Variants in SP140 observed in about 807,000 individuals in gnomAD.
SP140 encodes the protein SP140 nuclear body protein, also known as nuclear body protein SP140.
SP140 carries 81 observed loss-of-function variants against 125.0 expected under a neutral mutation model. The ratio of observed to expected loss-of-function variants is 0.65; its 90% CI spans 0.54 to 0.78. SP140 has a LOEUF of 0.78. Ranked by LOEUF, SP140 falls within the 30% of genes least tolerant of loss-of-function variation. SP140 has a pLI of 0.00. For synonymous variants in SP140, 312 were observed against 354.0 expected, an observed-to-expected ratio of 0.88 and a Z score of 1.33; for missense variants, 858 against 1,037.0, an observed-to-expected ratio of 0.83 and a Z score of 2.37.
At chr2:230,239,677 G>A (rs540455441) in intron 3 of SP140, among the ~76,000 whole-genome samples, 2 of 152,270 alleles carry the variant, frequency 1.3e-5, no homozygotes, top group East Asian at 1.9e-4. Flanking sequence ...TTGAACCCCC[G>A]ACCTCAGGTG....
intron 3 of SP140, among the ~76,000 whole-genome samples, chr2:230,214,722 T>C (rs1050715014): frequency 6.6e-6 from 1 of 152,216 alleles, no homozygotes; most frequent in Non-Finnish European, 1.5e-5. Context: ...TCCAAATTCA[T>C]AGAACACATA....
intron 12 of SP140, among the ~76,000 whole-genome samples, chr2:230,257,441 T>C (rs768681109): frequency 1.3e-5 from 2 of 152,074 alleles, no homozygotes; most frequent in Admixed American, 6.5e-5. Context: ...GATGCCGTCA[T>C]AGAGTAATAA....
chr2:230,276,202 A>G (rs554388407), intron 15 of SP140, among the ~76,000 whole-genome samples: 1 of 152,280 alleles, frequency 6.6e-6, no homozygotes, highest in South Asian at 2.1e-4. Context: ...GCCATCTAGA[A>G]CTGTCATAGC....
At chr2:230,239,210 T>C (rs2048379349) in intron 3 of SP140, 2 of 308,726 alleles carry the variant, frequency 6.5e-6, no homozygotes, top group South Asian at 6.5e-5. Flanking sequence ...AGTCAAATAC[T>C]GTGCATGCCT....
exon 3 of SP140, chr2:230,214,050 G>A (rs1233139624): frequency 2.0e-5 from 3 of 152,234 alleles, no homozygotes; most frequent in Admixed American, 2.0e-4. Flanking sequence ...ATGTGAGCTG[G>A]TGGTCCTTTG....
chr2:230,203,113 T>C, exon 1 of SP140: 1 of 296,700 alleles, frequency 3.4e-6, no homozygotes, highest in East Asian at 8.6e-5. Context: ...ACGGCCTGTG[T>C]GTGGTACAAG....
chr2:230,275,048 C>A (rs191768739), intron 15 of SP140, among the ~76,000 whole-genome samples: 2 of 152,096 alleles, frequency 1.3e-5, no homozygotes, highest in African/African-American at 4.8e-5. Context: ...TTGTTATTGG[C>A]CATTTTTGTT....
intron 15 of SP140, among the ~76,000 whole-genome samples, chr2:230,274,410 A>G (rs1009579292): frequency 2.0e-5 from 3 of 152,188 alleles, no homozygotes; most frequent in Non-Finnish European, 4.4e-5. Context: ...ATGTGTGACT[A>G]TGGAAGAATG....
intron 21 of SP140, among the ~76,000 whole-genome samples, chr2:230,296,371 C>G (rs2057732487): frequency 6.6e-6 from 1 of 152,224 alleles, no homozygotes; most frequent in African/African-American, 2.4e-5. Flanking sequence ...TCCTTTGAAT[C>G]ACACTTGTTT....
downstream of SP140, among the ~76,000 whole-genome samples, chr2:230,316,394 C>A (rs1290694321): frequency 6.6e-6 from 1 of 152,112 alleles, no homozygotes; most frequent in African/African-American, 2.4e-5. Context: ...AGGAGAATCA[C>A]CATGGTTGAC....
downstream of SP140, among the ~76,000 whole-genome samples, chr2:230,316,551 A>G (rs1360231725): frequency 6.6e-6 from 1 of 152,254 alleles, no homozygotes; most frequent in African/African-American, 2.4e-5. Context: ...TTGTCACATC[A>G]ATAAATACAG....
chr2:230,212,981 A>C, intron 1 of SP140: 1 of 1,614,030 alleles, frequency 6.2e-7, no homozygotes, highest in Non-Finnish European at 8.5e-7. Flanking sequence ...TTGGGGCTTC[A>C]AGTAGGATTG....
At chr2:230,309,425 A>G (rs2059129072) in intron 22 of SP140, among the ~76,000 whole-genome samples, 1 of 152,262 alleles carries the variant, frequency 6.6e-6, no homozygotes, top group East Asian at 1.9e-4. Context: ...CACAAAACGT[A>G]CAGTCTAGGA....
intron 12 of SP140, among the ~76,000 whole-genome samples, chr2:230,260,065 T>C (rs928571871): frequency 1.3e-5 from 2 of 152,172 alleles, no homozygotes; most frequent in South Asian, 4.1e-4. Context: ...ATCAGCAGTG[T>C]AGAAGTGTTC....
rs760871059 is a variant in SP140, at chr2:230,292,762, G to A, written c.1942G>A (p.Gly648Arg). ...CTGGAGGCTGAGTGTGCGCTGTGGC[G>A]GGTGGCCCCTACGATGGCTGATGGA... ...KNWRLSVRCGGWPLRWLMENG... is the reference protein window; with the variant it reads ...KNWRLSVRCGRWPLRWLMENG... Residue 648 changes from glycine (G) to arginine (R), a missense_variant, in exon 20 of 27, where the codon GGG (glycine) becomes AGG (arginine). Gly to Arg is a moderately radical substitution (Grantham distance 125). Around this residue, in one of 4 missense-constraint regions of SP140, gnomAD observed 791 missense variants for 869.5 expected, o/e 0.91. Coordinates refer to ENST00000392045, the MANE Select transcript of SP140 (RefSeq NM_007237.5). 2.2e-5 allele frequency: 35 copies of A among 1,614,044 alleles called. No individual in the cohort carries two copies. The highest frequency in any genetic ancestry group is 4.5e-5 in the East Asian group (2 of 44,902).
chr2:230,272,878 A>T (rs2054149243), intron 15 of SP140, among the ~76,000 whole-genome samples: 2 of 152,232 alleles, frequency 1.3e-5, no homozygotes, highest in Non-Finnish European at 2.9e-5. Flanking sequence ...TACTGGGATA[A>T]TCAGCTAGCC....
chr2:230,269,884 T>C lies in SP140; in HGVS notation c.1375T>C (p.Cys459Arg). ...AAATGAGAAGTGTTCCTGTGTCATGTGTTTCTCAGAAGAGGTGCCAGGAAG... is the reference window on the plus strand; with the variant it reads ...AAATGAGAAGTGTTCCTGTGTCATGCGTTTCTCAGAAGAGGTGCCAGGAAG... ...YENEKCSCVMCFSEEVPGSPE... is the reference protein window; with the variant it reads ...YENEKCSCVMRFSEEVPGSPE... Residue 459 changes from cysteine (C) to arginine (R), a missense_variant, in exon 14 of 27, where the codon TGT becomes CGT. By Grantham distance (180) the Cys-to-Arg change is radical. This residue lies in a region of SP140 where 791 missense variants were observed against 869.5 expected (regional missense o/e 0.91). Transcript: ENST00000392045. The C allele has an allele frequency of 1.9e-6, 3 of 1,614,052 alleles. No homozygotes were observed. Among genetic ancestry groups the C allele is most frequent in the Non-Finnish European group, 2.5e-6 (3 of 1,179,982 alleles).
At chr2:230,196,108 A>G in the SP140 span, among the ~76,000 whole-genome samples, 8 of 152,322 alleles carry the variant, frequency 5.3e-5, no homozygotes, top group East Asian at 1.5e-3. Flanking sequence ...ATACTCATAT[A>G]TTGTTAAAGG....
intron 12 of SP140, among the ~76,000 whole-genome samples, chr2:230,265,718 C>T (rs1189593605): frequency 6.6e-6 from 1 of 151,912 alleles, no homozygotes; most frequent in Admixed American, 6.6e-5. Flanking sequence ...TCAGCTTCTC[C>T]AGTGGGGGTG....
Sources: allele counts gnomAD v4.1 joint callset (sites outside exome capture counted in the v4.1 genomes callset), GRCh38; gene constraint gnomAD v4.1.1; regional missense constraint gnomAD v4.1.1; transcripts MANE v1.5; gene names NCBI Gene and HGNC (gene_info 2026-07-23, HGNC 2026-07-21).